LRMDA: variants seen among roughly 807,000 people sequenced by gnomAD.
LRMDA encodes leucine rich melanocyte differentiation associated, also known as leucine-rich melanocyte differentiation-associated protein.
A neutral mutation model predicts 29.8 loss-of-function variants in LRMDA; 18 were observed. That is an observed-to-expected ratio of 0.60 (90% CI 0.42 to 0.90). LRMDA has a LOEUF of 0.90. Among genes scored for constraint, LRMDA ranks in the 40% least tolerant of loss-of-function variants. The pLI, the probability that LRMDA is intolerant of heterozygous loss-of-function variation, is 0.00. For synonymous variants in LRMDA, 125 were observed against 109.4 expected (o/e 1.14, Z -0.89); for missense variants, 273 against 273.9 (o/e 1.00, Z 0.02).
At chr10:76,383,211 G>T (rs938589264) in intron 6 of LRMDA, among the ~76,000 whole-genome samples, 1 of 152,082 alleles carries the variant, frequency 6.6e-6, no homozygotes. Flanking sequence ...AGCCTTGGGT[G>T]CTGGGCTCAT....
intron 2 of LRMDA, among the ~76,000 whole-genome samples, chr10:76,029,829 C>T (rs1257575322): frequency 5.3e-5 from 8 of 152,190 alleles, no homozygotes; most frequent in Non-Finnish European, 4.4e-5. Context: ...GATTAGCCAT[C>T]ATGTTGGGGT....
intron 2 of LRMDA, among the ~76,000 whole-genome samples, chr10:75,896,356 A>AG (rs1845582109): frequency 6.6e-6 from 1 of 152,254 alleles, no homozygotes; most frequent in Non-Finnish European, 1.5e-5. Flanking sequence ...ATGATTATGT[A>AG]AATATGAAAC....
At chr10:75,939,093 C>T (rs1018940152) in intron 2 of LRMDA, among the ~76,000 whole-genome samples, 1 of 152,166 alleles carries the variant, frequency 6.6e-6, no homozygotes, top group African/African-American at 2.4e-5. Context: ...CCCCCAAAAT[C>T]ATGCCAGCTT....
At chr10:75,626,358 G>T (rs186077488) in intron 2 of LRMDA, among the ~76,000 whole-genome samples, 54 of 152,286 alleles carry the variant, frequency 3.5e-4, no homozygotes, top group African/African-American at 1.2e-3. Context: ...CTTTTGAGTG[G>T]TTTTTTGTGC....
At chr10:75,569,559 A>G (rs1454277341) in intron 2 of LRMDA, among the ~76,000 whole-genome samples, 2 of 152,264 alleles carry the variant, frequency 1.3e-5, no homozygotes, top group Non-Finnish European at 2.9e-5. Context: ...AAATTTTCAT[A>G]CATTTACAGT....
chr10:76,222,779 G>A (rs1171451955), intron 5 of LRMDA, among the ~76,000 whole-genome samples: 3 of 152,272 alleles, frequency 2.0e-5, no homozygotes, highest in African/African-American at 7.2e-5. Flanking sequence ...TATACCCAAA[G>A]GACTATATAT....
At chr10:76,170,987 GT>G (rs1310134842) in intron 5 of LRMDA, among the ~76,000 whole-genome samples, 2 of 152,208 alleles carry the variant, frequency 1.3e-5, no homozygotes, top group African/African-American at 4.8e-5. Context: ...ACTATTATGA[GT>G]ATATGTACTA....
intron 2 of LRMDA, among the ~76,000 whole-genome samples, chr10:75,605,275 C>T (rs1840941827): frequency 6.6e-6 from 1 of 152,140 alleles, no homozygotes; most frequent in South Asian, 2.1e-4. Flanking sequence ...CTCCCTGACG[C>T]TGGTTGGATT....
chr10:75,499,430 G>A (rs544465383), intron 2 of LRMDA, among the ~76,000 whole-genome samples: 139 of 152,302 alleles, frequency 9.1e-4, no homozygotes, highest in African/African-American at 2.9e-3. Flanking sequence ...ACTCCCCAGC[G>A]GGATGAGCAG....
chr10:75,989,566 A>G (rs1847323135), intron 2 of LRMDA, among the ~76,000 whole-genome samples: 1 of 152,158 alleles, frequency 6.6e-6, no homozygotes, highest in African/African-American at 2.4e-5. Context: ...TTGACACGAG[A>G]TTTTGTGGGG....
At chr10:75,882,902 T>C (rs533000175) in intron 2 of LRMDA, 1 of 152,374 alleles carries the variant, frequency 6.6e-6, no homozygotes, top group East Asian at 1.9e-4. Context: ...TGCTGGGGAA[T>C]GATCAAATGA....
intron 6 of LRMDA, among the ~76,000 whole-genome samples, chr10:76,530,126 G>A (rs377755656): frequency 7.0e-4 from 107 of 152,242 alleles, no homozygotes; most frequent in African/African-American, 2.4e-3. Flanking sequence ...CAGAAAGCAT[G>A]GACATGCCAT....
At chr10:75,739,376 C>G (rs574585222) in intron 2 of LRMDA, among the ~76,000 whole-genome samples, 2 of 152,192 alleles carry the variant, frequency 1.3e-5, no homozygotes, top group Non-Finnish European at 2.9e-5. Context: ...TAATTAAAAA[C>G]TTAAATTACT....
chr10:75,780,342 A>G (rs1039399831), intron 2 of LRMDA, among the ~76,000 whole-genome samples: 1 of 152,226 alleles, frequency 6.6e-6, no homozygotes, highest in Non-Finnish European at 1.5e-5. Flanking sequence ...AAATGTTGCC[A>G]TCTGTGTGCC....
At chr10:75,815,997 G>A (rs1844052334) in intron 2 of LRMDA, among the ~76,000 whole-genome samples, 1 of 152,148 alleles carries the variant, frequency 6.6e-6, no homozygotes, top group Non-Finnish European at 1.5e-5. Context: ...TAGGCAGTCT[G>A]GTAAATAATA....
rs1196578905 is a variant in LRMDA at position 76,078,288 on chromosome 10, CATG to C, written c.516+19507_516+19509del. 4.6e-5 allele frequency among the ~76,000 whole-genome samples: 7 copies of C among 151,932 alleles called. No homozygotes were observed. The East Asian group carries it at 1.4e-3, about 30-fold the overall frequency. ...CCTCCCAAAGTGCTGGGATTACAGA[CATG>C]AGCCACGGCTCCCGGCCAATATTAA... On this transcript the variant is annotated intron_variant, in intron 5 of 6. Transcript: ENST00000611255.
In LRMDA at chr10:76,456,653, T is replaced by TA. The variant is rs759893190; in HGVS notation, c.602-100539dup. ...CCTTCTGAGAAAGTTGCACTCTTAT[T>TA]AAAAAAAAAAAAAAAAAGGCACTAT... On this transcript the variant is annotated intron_variant, in intron 6 of 6. Transcript: ENST00000611255. 4.5e-3 allele frequency among the ~76,000 whole-genome samples: 568 copies of TA among 127,438 alleles called. 4 individuals are homozygous for TA. Among genetic ancestry groups the TA allele is most frequent in the South Asian group, 0.031 (119 of 3,874 alleles). The allele number at this position is 127,438 out of a possible 152,430, so 83.6% of individuals were successfully genotyped here.
chr10:75,941,916 C>T (rs1846398732), intron 2 of LRMDA, among the ~76,000 whole-genome samples: 1 of 152,184 alleles, frequency 6.6e-6, no homozygotes, highest in Admixed American at 6.5e-5. Context: ...GTCCTACTCT[C>T]TCCATGTCAC....
intron 5 of LRMDA, among the ~76,000 whole-genome samples, chr10:76,236,813 A>C (rs1235530980): frequency 6.6e-6 from 1 of 152,224 alleles, no homozygotes. Context: ...TACAAAGCAA[A>C]TGTAGTATAT....
Sources: allele counts gnomAD v4.1 joint callset (sites outside exome capture counted in the v4.1 genomes callset), GRCh38; gene constraint gnomAD v4.1.1; transcripts MANE v1.5; gene names NCBI Gene and HGNC (gene_info 2026-07-23, HGNC 2026-07-21).